The following RBFOX3 variants were observed in gnomAD, a reference collection of about 807,000 sequenced individuals.
RBFOX3 encodes RNA binding protein fox-1 homolog 3.
RBFOX3 carries 17 observed loss-of-function variants against 48.7 expected under a neutral mutation model. The observed-to-expected ratio is 0.35, with a 90% CI of 0.24 to 0.52. The LOEUF is 0.52. RBFOX3 is among the 20% of genes least tolerant of loss of function. The pLI is 0.94. For missense variants in RBFOX3, 382 were observed against 497.5 expected, an observed-to-expected ratio of 0.77 and a Z score of 2.21; for synonymous variants, 212 against 209.5, an observed-to-expected ratio of 1.01 and a Z score of -0.10.
intron 4 of RBFOX3, among the ~76,000 whole-genome samples, chr17:79,174,484 G>A (rs1261032169): frequency 1.3e-5 from 2 of 149,626 alleles, no homozygotes; most frequent in African/African-American, 4.9e-5. Flanking sequence ...AGTCACACAC[G>A]CATACTGACA....
chr17:79,557,686 T>TATC (rs2091885848), intron 1 of RBFOX3, among the ~76,000 whole-genome samples: 1 of 152,178 alleles, frequency 6.6e-6, no homozygotes, highest in African/African-American at 2.4e-5. Flanking sequence ...TTGGCTCTGG[T>TATC]ATCAACACAG....
chr17:79,146,743 G>A (rs1292388597), intron 4 of RBFOX3, among the ~76,000 whole-genome samples: 1 of 152,198 alleles, frequency 6.6e-6, no homozygotes, highest in Non-Finnish European at 1.5e-5. Flanking sequence ...ATGGGGGCCT[G>A]GGCCTGCAGC....
chr17:79,292,916 A>G (rs1393448991), intron 3 of RBFOX3, among the ~76,000 whole-genome samples: 1 of 152,068 alleles, frequency 6.6e-6, no homozygotes, highest in Admixed American at 6.6e-5. Context: ...ATAAAAGACA[A>G]TTCCTCCCTG....
At chr17:79,329,110 G>A (rs966853786) in intron 2 of RBFOX3, among the ~76,000 whole-genome samples, 1 of 152,134 alleles carries the variant, frequency 6.6e-6, no homozygotes, top group Non-Finnish European at 1.5e-5. Flanking sequence ...CTAAATCCCA[G>A]CCCTGGCTCC....
the RBFOX3 span, among the ~76,000 whole-genome samples, chr17:79,641,161 T>C: frequency 6.6e-6 from 1 of 152,352 alleles, no homozygotes; most frequent in Admixed American, 6.5e-5. Context: ...ATGACATTTC[T>C]CAAAAGAAGT....
intron 3 of RBFOX3, among the ~76,000 whole-genome samples, chr17:79,290,972 C>T (rs1250177585): frequency 6.6e-6 from 1 of 152,202 alleles, no homozygotes; most frequent in Non-Finnish European, 1.5e-5. Context: ...GCGTGGCTCT[C>T]TGCCTTTCTG....
At chr17:79,260,043 C>A (rs1253031325) in intron 3 of RBFOX3, among the ~76,000 whole-genome samples, 1 of 151,862 alleles carries the variant, frequency 6.6e-6, no homozygotes, top group Non-Finnish European at 1.5e-5. Context: ...GTCCTCACAC[C>A]CCTGGTGTGG....
At chr17:79,420,457 G>A (rs2066131407) in intron 2 of RBFOX3, among the ~76,000 whole-genome samples, 1 of 152,186 alleles carries the variant, frequency 6.6e-6, no homozygotes, top group South Asian at 2.1e-4. Context: ...GCTGGGCGGA[G>A]TCCTCTGCCA....
At chr17:79,656,771 AAG>A in the RBFOX3 span, among the ~76,000 whole-genome samples, 1,508 of 36,698 alleles carry the variant, frequency 0.041, 16 homozygotes, top group Non-Finnish European at 0.071. Flanking sequence ...GGAAGGAAGG[AAG>A]GAAGGAAAGA....
chr17:79,098,450 A>G (rs2075810991), intron 9 of RBFOX3: 1 of 152,336 alleles, frequency 6.6e-6, no homozygotes, highest in African/African-American at 2.4e-5. Context: ...CTCCCTGCCC[A>G]GTGAGCCACC....
At chr17:79,291,870 C>T (rs908828930) in intron 3 of RBFOX3, among the ~76,000 whole-genome samples, 7 of 152,156 alleles carry the variant, frequency 4.6e-5, no homozygotes, top group African/African-American at 1.2e-4. Context: ...GAAACTAGGG[C>T]GCCACATGAT....
At chr17:79,226,508 G>A (rs9902768) in intron 4 of RBFOX3, among the ~76,000 whole-genome samples, 11 of 152,184 alleles carry the variant, frequency 7.2e-5, no homozygotes, top group East Asian at 3.9e-4. Flanking sequence ...GCTTCCCACC[G>A]TGGTCAAGAG....
At chr17:79,513,729 A>G (rs1708861) in intron 1 of RBFOX3, among the ~76,000 whole-genome samples, 102,626 of 152,166 alleles carry the variant, frequency 0.67, 35,820 homozygotes, top group East Asian at 0.89. Flanking sequence ...CTTGCCTACC[A>G]GAAAGAACCG....
At chr17:79,400,956 G>A (rs1253283887) in intron 2 of RBFOX3, among the ~76,000 whole-genome samples, 1 of 152,204 alleles carries the variant, frequency 6.6e-6, no homozygotes, top group Non-Finnish European at 1.5e-5. Flanking sequence ...TAGCATCCCT[G>A]TGCCAAGAGA....
intron 2 of RBFOX3, among the ~76,000 whole-genome samples, chr17:79,426,328 T>A (rs546536155): frequency 1.5e-3 from 222 of 152,244 alleles, no homozygotes; most frequent in African/African-American, 4.8e-3. Context: ...GGTGTTCTCG[T>A]GAATGCGCCA....
chr17:79,642,560 A>T, the RBFOX3 span, among the ~76,000 whole-genome samples: 2 of 152,196 alleles, frequency 1.3e-5, no homozygotes, highest in Non-Finnish European at 2.9e-5. Flanking sequence ...TTTCTTGTGA[A>T]TTTAATGATC....
At chr17:79,336,656 C>T (rs542041486) in intron 2 of RBFOX3, among the ~76,000 whole-genome samples, 24 of 152,244 alleles carry the variant, frequency 1.6e-4, no homozygotes, top group South Asian at 1.0e-3. Flanking sequence ...TCCTCAGGCC[C>T]GATCCCAGCC....
At chr17:79,090,995 C>T (rs994310431) in intron 14 of RBFOX3, 110 bp from the exon 15 acceptor site, 12 of 1,069,708 alleles carry the variant, frequency 1.1e-5, no homozygotes, top group Admixed American at 2.9e-5. Flanking sequence ...GTCCTGGCGC[C>T]GCCACACCTG....
chr17:79,637,661 C>T, the RBFOX3 span, among the ~76,000 whole-genome samples: 1 of 150,418 alleles, frequency 6.6e-6, no homozygotes, highest in African/African-American at 2.5e-5. Flanking sequence ...CACCATTGAA[C>T]TCCAGCTTGG....
Sources: allele counts gnomAD v4.1 joint callset (sites outside exome capture counted in the v4.1 genomes callset), GRCh38; gene constraint gnomAD v4.1.1; transcripts MANE v1.5; gene names NCBI Gene and HGNC (gene_info 2026-07-23, HGNC 2026-07-21).